The following ASXL1 variants were observed in gnomAD, a reference collection of about 807,000 sequenced individuals.
The protein encoded by ASXL1 is ASXL transcriptional regulator 1.
A neutral mutation model predicts 89.1 loss-of-function variants in ASXL1; 65 were observed. The ratio of observed to expected loss-of-function variants is 0.73; its 90% confidence interval spans 0.60 to 0.90. ASXL1 has a LOEUF of 0.90. ASXL1 is among the 40% of genes least tolerant of loss of function. The pLI, the probability that ASXL1 is intolerant of heterozygous loss-of-function variation, is 0.00. For missense variants in ASXL1, 1,786 were observed against 1,942.9 expected (o/e 0.92, Z 1.52); for synonymous variants, 739 against 746.9 (o/e 0.99, Z 0.17).
Position 32,436,667 on chromosome 20 carries a change from C to A in ASXL1, c.3955C>A (p.Pro1319Thr), listed in dbSNP as rs2145390147. 3 of 1,613,990 alleles carry A rather than the reference C, an allele frequency of 1.9e-6. No homozygotes were observed. Among genetic ancestry groups the A allele is most frequent in the Non-Finnish European group, 2.5e-6 (3 of 1,180,042 alleles). The change falls in exon 13 of 13, where the codon CCT becomes ACT. Residue 1319 changes from proline (P) to threonine (T), a missense_variant. Around this residue, in one of 3 missense-constraint regions of ASXL1, gnomAD observed 1,418 missense variants for 1,427.8 expected, o/e 0.99. Transcript: ENST00000375687. Reference protein sequence around the residue: ...NVAATLQRPRPADPMPLPAEI... With the variant: ...NVAATLQRPRTADPMPLPAEI... ...GGCTGCAACCCTTCAGCGCCCCAGGCCTGCGGACCCGATGCCTCTTCCTGC... is the reference window on the plus strand; with the variant it reads ...GGCTGCAACCCTTCAGCGCCCCAGGACTGCGGACCCGATGCCTCTTCCTGC...
intron 2 of ASXL1, among the ~76,000 whole-genome samples, chr20:32,367,077 TAA>T (rs11478048): frequency 0.022 from 2,959 of 134,836 alleles, 59 homozygotes; most frequent in African/African-American, 0.064. Context: ...ACTTCAAACT[TAA>T]AAAAAAAAAA....
intron 4 of ASXL1, chr20:32,372,326 T>A: frequency 8.4e-7 from 1 of 1,187,816 alleles, no homozygotes; most frequent in Non-Finnish European, 1.1e-6. Flanking sequence ...CTTAACTGCC[T>A]TTGGCTTTAT....
rs2011511512 is a variant in ASXL1, at chr20:32,431,499, C to G, written c.882+15C>G. ...TAGACAGACAGGTGCACATGGGCAG[C>G]CTCCCCTTTGCCTCTCTCTGGGTGG... On this transcript the variant is annotated intron_variant, in intron 9 of 12. Coordinates refer to ENST00000375687, the MANE Select transcript of ASXL1 (RefSeq NM_015338.6). 1.2e-6 allele frequency: 2 copies of G among 1,614,106 alleles called. No individual in the cohort carries two copies. The highest frequency in any genetic ancestry group is 1.7e-6 in the Non-Finnish European group (2 of 1,180,004).
Position 32,433,289 on chromosome 20 carries a change from G to T in ASXL1, c.1091G>T (p.Gly364Val). ...GCTGTGATTTTGATTTGCAGGCTGG[G>T]TTTGACCAAAGAAGAGTCATTGCAG... is the stretch of plus-strand genomic sequence containing the variant. ...FFEDYYGQKLGLTKEESLQQN... is the reference protein window; with the variant it reads ...FFEDYYGQKLVLTKEESLQQN... The change falls in exon 12 of 13, where the codon GGT (glycine) becomes GTT (valine). Residue 364 changes from glycine (G) to valine (V), a missense_variant. This residue lies in a region of ASXL1 where 1,418 missense variants were observed against 1,427.8 expected (regional missense o/e 0.99). Transcript: ENST00000375687. The T allele has an allele frequency of 1.2e-6, 2 of 1,614,180 alleles. No homozygotes were observed. Among genetic ancestry groups the T allele is most frequent in the Non-Finnish European group, 1.7e-6 (2 of 1,180,032 alleles).
intron 4 of ASXL1, among the ~76,000 whole-genome samples, chr20:32,369,480 G>A (rs1192594735): frequency 6.6e-6 from 1 of 151,788 alleles, no homozygotes; most frequent in African/African-American, 2.4e-5. Flanking sequence ...TCGAAATCCT[G>A]ACCTCAGGTG....
At position 32,438,933 on chromosome 20, in the gene ASXL1, C is replaced by T. The variant is rs2012071931; in HGVS notation, c.*1595C>T. ...TCCTGCCTTATATCTTGTATTTCGA[C>T]TTATTACAGAGTTGAGGGTTCTTGC... is the stretch of plus-strand genomic sequence containing the variant. On this transcript the variant is annotated 3_prime_UTR_variant, in exon 13 of 13. Transcript: ENST00000375687. The T allele has an allele frequency of 4.3e-6, 1 of 233,476 alleles. No individual in the cohort carries two copies. The highest frequency in any genetic ancestry group is 8.5e-6 in the Non-Finnish European group (1 of 118,034). 14.5% of individuals were successfully genotyped at this position (233,476 alleles called of 1,614,324 possible).
intron 10 of ASXL1, 66 bp downstream of exon 10, chr20:32,431,745 G>T (rs935424198): frequency 2.0e-5 from 30 of 1,532,660 alleles, no homozygotes; most frequent in Non-Finnish European, 2.5e-5. Flanking sequence ...CATGTCTCCT[G>T]GTATTTAAAA....
chr20:32,393,932 G>A (rs1435053549), intron 4 of ASXL1, among the ~76,000 whole-genome samples: 2 of 151,386 alleles, frequency 1.3e-5, no homozygotes, highest in Non-Finnish European at 2.9e-5. Flanking sequence ...CTGGGTTCAA[G>A]CAGTTTTCCT....
At chr20:32,415,852 G>A (rs956294171) in intron 4 of ASXL1, among the ~76,000 whole-genome samples, 1 of 151,980 alleles carries the variant, frequency 6.6e-6, no homozygotes, top group East Asian at 1.9e-4. Flanking sequence ...AAGATGCAAA[G>A]AAGTATATGT....
In ASXL1 at chr20:32,435,970, G is replaced by C; in HGVS notation, c.3258G>C (p.Glu1086Asp). 6.2e-7 allele frequency: 1 copy of C among 1,614,170 alleles called. No individual in the cohort carries two copies. The highest frequency in any genetic ancestry group is 8.5e-7 in the Non-Finnish European group (1 of 1,180,044). The change falls in exon 13 of 13, where the codon GAG becomes GAC. Residue 1086 changes from glutamate (E) to aspartate (D), a missense_variant. Physicochemically the swap from Glu to Asp is conservative, Grantham distance 45. Around this residue, in one of 3 missense-constraint regions of ASXL1, gnomAD observed 1,418 missense variants for 1,427.8 expected, o/e 0.99. Transcript: ENST00000375687. ...ATTCCCTACTGCTGGCCAGTACTGA[G>C]TACCAGCCAAGAGCCGTGTGCCTGT... ...IPDSLLLAST[E>D]YQPRAVCLSM... is the part of the protein sequence containing the mutation.
chr20:32,400,636 G>A (rs1423699659), intron 4 of ASXL1, among the ~76,000 whole-genome samples: 1 of 152,180 alleles, frequency 6.6e-6, no homozygotes, highest in Non-Finnish European at 1.5e-5. Context: ...GGGCCACTCA[G>A]TACTCAGTGA....
intron 4 of ASXL1, among the ~76,000 whole-genome samples, chr20:32,394,528 G>C (rs1397185040): frequency 1.3e-5 from 2 of 152,188 alleles, no homozygotes; most frequent in Admixed American, 6.5e-5. Flanking sequence ...AGTGTTTATT[G>C]AGTTCAGCTT....
chr20:32,364,380 T>A lies in ASXL1; in HGVS notation c.58-2004T>A, dbSNP rs780720232. ...ACGGGCATGAGCCACCATGCCCATC[T>A]AGTTTTTTGTATTTTTTTGTAGAGA... On this transcript the variant is annotated intron_variant, in intron 1 of 12. Coordinates refer to ENST00000375687, the MANE Select transcript of ASXL1 (RefSeq NM_015338.6). Among the ~76,000 whole-genome samples, 1,442 of 152,166 alleles carry A rather than the reference T, an allele frequency of 9.5e-3. 14 individuals carry two copies. The highest frequency in any genetic ancestry group is 0.023 in the African/African-American group (942 of 41,502).
chr20:32,413,700 G>A (rs995786677), intron 4 of ASXL1, among the ~76,000 whole-genome samples: 17 of 152,306 alleles, frequency 1.1e-4, no homozygotes, highest in African/African-American at 4.1e-4. Flanking sequence ...GCAAACTGGG[G>A]CCTGTTGGCT....
Position 32,429,037 on chromosome 20 carries a change from A to C in ASXL1, c.472-301A>C. ...GTTAGTGCAGAGTAGAGAGAACAGG[A>C]GATTGGGAGTGAGCAGTTTGAATGA... On this transcript the variant is annotated intron_variant, in intron 6 of 12. Coordinates refer to ENST00000375687, the MANE Select transcript of ASXL1 (RefSeq NM_015338.6). The surrounding 1 kb of genome is among the most constrained non-coding windows in gnomAD (Gnocchi z 4.9). 1 of 409,704 alleles carries C rather than the reference A, an allele frequency of 2.4e-6. No individual in the cohort carries two copies. The allele number at this position is 409,704 out of a possible 1,614,324, so 25.4% of individuals were successfully genotyped here. A position where few individuals can be genotyped will look rare whatever the true frequency, so the allele number is the denominator to read the frequency against.
Position 32,435,336 on chromosome 20 carries a change from T to C in ASXL1, c.2624T>C (p.Met875Thr), listed in dbSNP as rs1482135728. ...GGGCTTGGTGGCTCATGCCCTCCTATGAGGGAAAGTGATACTAGACAAGAA... is the reference window on the plus strand; with the variant it reads ...GGGCTTGGTGGCTCATGCCCTCCTACGAGGGAAAGTGATACTAGACAAGAA... ...ELGLGGSCPP[M>T]RESDTRQENL... is the part of the protein sequence containing the mutation. The change falls in exon 13 of 13, where the codon ATG becomes ACG. Residue 875 changes from methionine to threonine, a missense_variant. Coordinates refer to ENST00000375687, the MANE Select transcript of ASXL1 (RefSeq NM_015338.6). 6.2e-7 allele frequency: 1 copy of C among 1,614,104 alleles called. No individual in the cohort carries two copies. Among genetic ancestry groups the C allele is most frequent in the Non-Finnish European group, 8.5e-7 (1 of 1,179,994 alleles).
intron 4 of ASXL1, among the ~76,000 whole-genome samples, chr20:32,415,072 C>T (rs1325863789): frequency 2.6e-5 from 4 of 151,950 alleles, no homozygotes; most frequent in Non-Finnish European, 5.9e-5. Context: ...GCAGTGGTGC[C>T]ATCTCAACTC....
At position 32,370,267 on chromosome 20, in the gene ASXL1, C is replaced by T. The variant is rs74970624; in HGVS notation, c.252+1144C>T. 8.0e-3 allele frequency among the ~76,000 whole-genome samples: 1,215 copies of T among 151,984 alleles called. 17 individuals are homozygous for T. Among genetic ancestry groups the T allele is most frequent in the African/African-American group, 0.027 (1,115 of 41,436 alleles). On this transcript the variant is annotated intron_variant, in intron 4 of 12. Transcript: ENST00000375687. The stretch of plus-strand genomic sequence containing the variant: ...TGATATATATGGTAATCATTTAGAC[C>T]GGGGGTCTGCAAAGTTTTTCTGTAA...
Position 32,436,470 on chromosome 20 carries a change from G to A in ASXL1, c.3758G>A (p.Ser1253Asn). 1.2e-6 allele frequency: 2 copies of A among 1,614,160 alleles called. No homozygotes were observed. The highest frequency in any genetic ancestry group is 1.7e-6 in the Non-Finnish European group (2 of 1,180,050). ...GAAGTCCGTGCTATGTCACAGGACA[G>A]TAATTCAAATGCTGCTCCAGGAAAG... ...QKEVRAMSQD[S>N]NSNAAPGKSP... The change falls in exon 13 of 13, where the codon AGT (serine) becomes AAT (asparagine). Residue 1253 changes from serine to asparagine, a missense_variant. Coordinates refer to ENST00000375687, the MANE Select transcript of ASXL1 (RefSeq NM_015338.6).
Sources: allele counts gnomAD v4.1 joint callset (sites outside exome capture counted in the v4.1 genomes callset), GRCh38; gene constraint gnomAD v4.1.1; regional missense constraint gnomAD v4.1.1; non-coding constraint Gnocchi (gnomAD v3.1); transcripts MANE v1.5; gene names NCBI Gene and HGNC (gene_info 2026-07-23, HGNC 2026-07-21).